ADAMTSL1: variants seen among roughly 807,000 people sequenced by gnomAD.
The protein encoded by ADAMTSL1 is ADAMTS-like protein 1.
A neutral mutation model predicts 201.8 loss-of-function variants in ADAMTSL1; 126 were observed. The observed-to-expected ratio is 0.62, with a 90% CI of 0.54 to 0.72. ADAMTSL1 has a LOEUF of 0.72. Among genes scored for constraint, ADAMTSL1 ranks in the 30% least tolerant of loss-of-function variants. The pLI, the probability that ADAMTSL1 is intolerant of heterozygous loss-of-function variation, is 0.00. For synonymous variants in ADAMTSL1, 1,121 were observed against 903.4 expected, an observed-to-expected ratio of 1.24 and a Z score of -4.32; for missense variants, 2,679 against 2,277.8, an observed-to-expected ratio of 1.18 and a Z score of -3.59.
chr9:18,336,513 G>A (rs1464877500), intron 2 of ADAMTSL1, among the ~76,000 whole-genome samples: 2 of 152,078 alleles, frequency 1.3e-5, no homozygotes, highest in Non-Finnish European at 2.9e-5. Context: ...ACAATCTGCA[G>A]GGCTAAATAT....
chr9:18,151,018 A>G (rs1165779678), intron 1 of ADAMTSL1, among the ~76,000 whole-genome samples: 1 of 152,040 alleles, frequency 6.6e-6, no homozygotes, highest in African/African-American at 2.4e-5. Context: ...CGGGAAGTGC[A>G]GTGGATGTGG....
chr9:18,495,933 T>C (rs1011386935), intron 1 of ADAMTSL1, among the ~76,000 whole-genome samples: 1 of 152,212 alleles, frequency 6.6e-6, no homozygotes, highest in Non-Finnish European at 1.5e-5. Flanking sequence ...GACAAATATG[T>C]AAACATTTAA....
chr9:18,221,838 A>G (rs1830271987), intron 2 of ADAMTSL1, among the ~76,000 whole-genome samples: 1 of 151,902 alleles, frequency 6.6e-6, no homozygotes, highest in Admixed American at 6.6e-5. Context: ...TCATATCTAT[A>G]TTCTTGTTGT....
At chr9:18,678,625 T>A (rs1431278904) in intron 10 of ADAMTSL1, among the ~76,000 whole-genome samples, 1 of 152,104 alleles carries the variant, frequency 6.6e-6, no homozygotes, top group Non-Finnish European at 1.5e-5. Flanking sequence ...TTTAGTAGGG[T>A]CAAGCTTAAG....
intron 2 of ADAMTSL1, among the ~76,000 whole-genome samples, chr9:18,461,951 C>G (rs1033191530): frequency 1.3e-5 from 2 of 152,050 alleles, no homozygotes; most frequent in African/African-American, 2.4e-5. Context: ...CCAGCACTCT[C>G]AAATCTAAAA....
At chr9:18,847,178 A>G (rs1394922648) in intron 23 of ADAMTSL1, among the ~76,000 whole-genome samples, 4 of 152,156 alleles carry the variant, frequency 2.6e-5, no homozygotes, top group Non-Finnish European at 5.9e-5. Context: ...GTGTGAGAAA[A>G]GCTCTATAGG....
intron 2 of ADAMTSL1, among the ~76,000 whole-genome samples, chr9:18,410,846 CTT>C (rs1554674422): frequency 2.1e-4 from 10 of 47,278 alleles, no homozygotes; most frequent in Non-Finnish European, 4.1e-4. Flanking sequence ...TCTTCTTCTT[CTT>C]TTTTTTTTTT....
chr9:18,235,544 C>G (rs1292195541), intron 2 of ADAMTSL1, among the ~76,000 whole-genome samples: 4 of 152,120 alleles, frequency 2.6e-5, no homozygotes, highest in Non-Finnish European at 5.9e-5. Context: ...GGTATTAGCT[C>G]TAATAATTAA....
chr9:18,654,822 T>C (rs1014798455), intron 7 of ADAMTSL1, among the ~76,000 whole-genome samples: 3 of 152,258 alleles, frequency 2.0e-5, no homozygotes, highest in African/African-American at 7.2e-5. Flanking sequence ...GCAGGCATAC[T>C]GATGTATGTT....
intron 1 of ADAMTSL1, among the ~76,000 whole-genome samples, chr9:17,963,516 G>C (rs556933272): frequency 1.3e-5 from 2 of 152,212 alleles, no homozygotes; most frequent in Admixed American, 1.3e-4. Flanking sequence ...ACAGTATTCC[G>C]TATGAAAAAC....
At chr9:18,623,387 T>A (rs893846693) in intron 5 of ADAMTSL1, among the ~76,000 whole-genome samples, 4 of 152,186 alleles carry the variant, frequency 2.6e-5, no homozygotes, top group Non-Finnish European at 5.9e-5. Flanking sequence ...TTAGCCAGAT[T>A]ATGGGACTTG....
chr9:18,530,252 A>G (rs1205730513), intron 2 of ADAMTSL1, among the ~76,000 whole-genome samples: 3 of 152,192 alleles, frequency 2.0e-5, no homozygotes, highest in Non-Finnish European at 2.9e-5. Context: ...GGTTTATGCA[A>G]GTGGAAGAAC....
chr9:18,071,255 T>G (rs2131733519), intron 1 of ADAMTSL1, among the ~76,000 whole-genome samples: 1 of 152,310 alleles, frequency 6.6e-6, no homozygotes, highest in East Asian at 1.9e-4. Context: ...TGTCAGATGT[T>G]TTTGGTTCAA....
chr9:17,966,709 A>C (rs1215716489), intron 1 of ADAMTSL1, among the ~76,000 whole-genome samples: 3 of 152,166 alleles, frequency 2.0e-5, no homozygotes, highest in Admixed American at 2.0e-4. Flanking sequence ...CTTAATATTT[A>C]TATCTCTTCA....
At chr9:18,174,033 T>C (rs1031085055) in intron 2 of ADAMTSL1, among the ~76,000 whole-genome samples, 5 of 152,182 alleles carry the variant, frequency 3.3e-5, no homozygotes, top group Non-Finnish European at 5.9e-5. Flanking sequence ...AGTATAGTTA[T>C]AAATGTAAGG....
intron 1 of ADAMTSL1, among the ~76,000 whole-genome samples, chr9:17,979,446 G>C (rs1039648364): frequency 6.6e-6 from 1 of 151,904 alleles, no homozygotes; most frequent in Non-Finnish European, 1.5e-5. Flanking sequence ...GATCAAGAAA[G>C]ATCAGGGTCA....
intron 5 of ADAMTSL1, among the ~76,000 whole-genome samples, chr9:18,633,236 C>T (rs1444781814): frequency 6.6e-6 from 1 of 152,136 alleles, no homozygotes; most frequent in African/African-American, 2.4e-5. Context: ...GTTTTAACTG[C>T]TTTGAGTTTC....
intron 2 of ADAMTSL1, among the ~76,000 whole-genome samples, chr9:18,372,433 A>C (rs1285867832): frequency 3.3e-5 from 5 of 152,158 alleles, no homozygotes. Flanking sequence ...TGCCATGACC[A>C]CCTTATGAGA....
chr9:18,790,619 TC>T (rs1821973255), intron 19 of ADAMTSL1, among the ~76,000 whole-genome samples: 1 of 152,158 alleles, frequency 6.6e-6, no homozygotes, highest in Non-Finnish European at 1.5e-5. Flanking sequence ...TATCTTATTC[TC>T]ATGCATGACA....
Sources: gnomAD v4.1 joint callset for allele counts (sites outside exome capture counted in the v4.1 genomes callset) on GRCh38, gnomAD v4.1.1 for gene constraint, MANE v1.5 for transcripts, NCBI Gene and HGNC (gene_info 2026-07-23, HGNC 2026-07-21) for gene names.